The following TMOD2 variants were observed in gnomAD, a reference collection of about 807,000 sequenced individuals.
The protein encoded by TMOD2 is tropomodulin 2.
Under a neutral mutation model 39.9 loss-of-function variants are expected in TMOD2, and 22 were observed. The observed-to-expected ratio is 0.55, with a 90% CI of 0.39 to 0.79. TMOD2 has a LOEUF of 0.79. TMOD2 is among the 30% of genes least tolerant of loss of function. The pLI, the probability that TMOD2 is intolerant of heterozygous loss-of-function variation, is 0.00. For synonymous variants in TMOD2, 123 were observed against 146.1 expected (o/e 0.84, Z 1.14); for missense variants, 386 against 413.3 (o/e 0.93, Z 0.57).
rs1470371961 is a variant in TMOD2, at chr15:51,815,615, A to G, written c.*7161A>G. On this transcript the variant is annotated 3_prime_UTR_variant, in exon 10 of 10. Transcript: ENST00000249700. The stretch of plus-strand genomic sequence containing the variant: ...TTAGTACCAAATGTTGCCAGTGACA[A>G]TCTTCAGTTAAGAAGTAAGTTATTC... 2 of 152,220 alleles carry G rather than the reference A, an allele frequency of 1.3e-5. No homozygotes were observed. The highest frequency in any genetic ancestry group is 4.8e-5 in the African/African-American group (2 of 41,456). 9.4% of individuals were successfully genotyped at this position (152,220 alleles called of 1,614,324 possible).
At chr15:51,759,785 T>A (rs902679269) in intron 1 of TMOD2, among the ~76,000 whole-genome samples, 1 of 152,128 alleles carries the variant, frequency 6.6e-6, no homozygotes, top group Non-Finnish European at 1.5e-5. Context: ...AAAAATTTAA[T>A]AAAGAGGCTA....
intron 4 of TMOD2, among the ~76,000 whole-genome samples, chr15:51,776,243 CCTT>C (rs2055888553): frequency 6.6e-6 from 1 of 152,234 alleles, no homozygotes; most frequent in Non-Finnish European, 1.5e-5. Context: ...CTTCTGGGAT[CCTT>C]CTTCAGGTGG....
At chr15:51,759,184 C>CGA (rs1201690469) in intron 1 of TMOD2, among the ~76,000 whole-genome samples, 1 of 142,884 alleles carries the variant, frequency 7.0e-6, no homozygotes, top group Non-Finnish European at 1.5e-5. Context: ...GGAAAAGAGA[C>CGA]GAGAGAGAGA....
intron 5 of TMOD2, 56 bp from the exon 6 acceptor site, chr15:51,780,988 C>T (rs2055925687): frequency 1.8e-5 from 26 of 1,470,886 alleles, no homozygotes; most frequent in Admixed American, 2.3e-5. Flanking sequence ...GGGAAGTCAC[C>T]ACTGATTTTG....
At chr15:51,757,645 C>T (rs1228175706) in intron 1 of TMOD2, among the ~76,000 whole-genome samples, 1 of 152,134 alleles carries the variant, frequency 6.6e-6, no homozygotes, top group Admixed American at 6.5e-5. Flanking sequence ...TAAATGCTTG[C>T]CATGGGACAG....
At chr15:51,771,849 A>G (rs1192566819) in intron 3 of TMOD2, among the ~76,000 whole-genome samples, 1 of 151,938 alleles carries the variant, frequency 6.6e-6, no homozygotes, top group African/African-American at 2.4e-5. Context: ...CCATCCTCCT[A>G]ATTTGTTTCC....
chr15:51,805,752 CATAAAT>C (rs1238740694), intron 8 of TMOD2, among the ~76,000 whole-genome samples: 5 of 151,980 alleles, frequency 3.3e-5, no homozygotes, highest in Non-Finnish European at 7.4e-5. Flanking sequence ...TCATGTACCC[CATAAAT>C]ATTATATACC....
rs181809396 is a variant in TMOD2, at chr15:51,803,396, G to T, written c.877-2981G>T. 3.1e-3 allele frequency among the ~76,000 whole-genome samples: 477 copies of T among 152,114 alleles called. 4 individuals carry two copies. Among genetic ancestry groups the T allele is most frequent in the African/African-American group, 0.011 (444 of 41,494 alleles). On this transcript the variant is annotated intron_variant, in intron 8 of 9. Coordinates refer to ENST00000249700, the MANE Select transcript of TMOD2 (RefSeq NM_014548.4). ...GAATTTCACCATGTTCACCAGGTTG[G>T]TCTCGAACTCCTGACCTCAAGTGAT...
intron 7 of TMOD2, among the ~76,000 whole-genome samples, chr15:51,797,196 C>G (rs1167936740): frequency 6.6e-6 from 1 of 152,212 alleles, no homozygotes; most frequent in East Asian, 1.9e-4. Context: ...CCCATTTTCC[C>G]CCCACACTGT....
At chr15:51,754,999 A>T (rs912119339) in intron 1 of TMOD2, among the ~76,000 whole-genome samples, 3 of 152,362 alleles carry the variant, frequency 2.0e-5, no homozygotes, top group South Asian at 4.1e-4. Context: ...CACATTACTT[A>T]CAGATTAGAA....
chr15:51,764,120 C>T (rs1019954003), intron 1 of TMOD2, among the ~76,000 whole-genome samples: 3 of 151,734 alleles, frequency 2.0e-5, no homozygotes, highest in African/African-American at 7.3e-5. Context: ...GACCTCATCT[C>T]TACAAAAAAA....
chr15:51,803,796 G>C (rs1243552886), intron 8 of TMOD2, among the ~76,000 whole-genome samples: 1 of 152,076 alleles, frequency 6.6e-6, no homozygotes, highest in Non-Finnish European at 1.5e-5. Context: ...ATAGAAAAAT[G>C]GGCAAATGGC....
rs886695363 is a variant in TMOD2 at position 51,786,477 on chromosome 15, C to T, written c.732+3649C>T. On this transcript the variant is annotated intron_variant, in intron 7 of 9. Transcript: ENST00000249700. ...AGTGAAGCCCTGTGCAATTGGCATC[C>T]GTTTAGACATGTCCCCATTTAAGGC... Among the ~76,000 whole-genome samples, 6 of 152,156 alleles carry T rather than the reference C, an allele frequency of 3.9e-5. No individual in the cohort carries two copies. In the East Asian group the frequency reaches 5.8e-4, roughly 15 times the overall value.
intron 1 of TMOD2, among the ~76,000 whole-genome samples, chr15:51,761,957 C>G (rs1422416421): frequency 6.6e-6 from 1 of 151,540 alleles, no homozygotes; most frequent in African/African-American, 2.4e-5. Context: ...ACCATCCTGG[C>G]TAACACTGTG....
In TMOD2 at chr15:51,787,820, A is replaced by T. The variant is rs1464339015; in HGVS notation, c.732+4992A>T. Among the ~76,000 whole-genome samples the T allele has an allele frequency of 2.6e-5, 4 of 152,220 alleles. No homozygotes were observed. The South Asian group carries it at 8.3e-4, about 32-fold the overall frequency. On this transcript the variant is annotated intron_variant, in intron 7 of 9. Transcript: ENST00000249700. ...ACGGAATAGCATCAACATCAACAGT[A>T]AGCACATCCACACCAAAACCCCATC...
chr15:51,797,354 A>T (rs1446507775), intron 7 of TMOD2, among the ~76,000 whole-genome samples: 1 of 152,056 alleles, frequency 6.6e-6, no homozygotes, highest in Non-Finnish European at 1.5e-5. Context: ...GGGATAGTGT[A>T]CTCTCCATCT....
chr15:51,763,380 A>C (rs1468322544), intron 1 of TMOD2, among the ~76,000 whole-genome samples: 1 of 152,258 alleles, frequency 6.6e-6, no homozygotes, highest in East Asian at 1.9e-4. Context: ...AATGTAAGTG[A>C]AATGCATTCA....
intron 5 of TMOD2, among the ~76,000 whole-genome samples, chr15:51,778,627 T>C (rs184992719): frequency 7.2e-6 from 1 of 139,624 alleles, no homozygotes; most frequent in Admixed American, 7.1e-5. Flanking sequence ...CTTTGAAAAC[T>C]CATAGAAAAT....
intron 9 of TMOD2, among the ~76,000 whole-genome samples, chr15:51,807,481 G>T (rs1444524100): frequency 6.6e-6 from 1 of 152,178 alleles, no homozygotes; most frequent in African/African-American, 2.4e-5. Context: ...GTGCTTACCT[G>T]GGGGGTGCAC....
Sources: gnomAD v4.1 joint callset for allele counts (sites outside exome capture counted in the v4.1 genomes callset) on GRCh38, gnomAD v4.1.1 for gene constraint, MANE v1.5 for transcripts, NCBI Gene and HGNC (gene_info 2026-07-23, HGNC 2026-07-21) for gene names.